ZNF827: variants seen among roughly 807,000 people sequenced by gnomAD.
The protein encoded by ZNF827 is zinc finger protein 827.
ZNF827 carries 13 observed loss-of-function variants against 102.4 expected under a neutral mutation model. That is an observed-to-expected ratio of 0.13 (90% CI 0.08 to 0.20). The LOEUF (loss-of-function observed/expected upper bound fraction) is 0.20. Ranked by LOEUF, ZNF827 falls within the 10% of genes least tolerant of loss-of-function variation. The pLI is 1.00. For synonymous variants in ZNF827, 523 were observed against 536.2 expected (o/e 0.98, Z 0.34); for missense variants, 1,103 against 1,344.4 (o/e 0.82, Z 2.81).
chr4:145,884,611 C>A (rs1228968807), intron 4 of ZNF827, among the ~76,000 whole-genome samples: 1 of 152,070 alleles, frequency 6.6e-6, no homozygotes, highest in South Asian at 2.1e-4. Flanking sequence ...AGTAGCTGCA[C>A]AATCCTGCAA....
At chr4:145,791,999 C>T (rs1342732274) in intron 8 of ZNF827, among the ~76,000 whole-genome samples, 2 of 152,202 alleles carry the variant, frequency 1.3e-5, no homozygotes, top group Non-Finnish European at 2.9e-5. Context: ...TGGGATGTGT[C>T]ATTCCTCTTT....
In ZNF827 at chr4:145,765,437, C is replaced by A; in HGVS notation, c.3052+110G>T. ...TTAGGTGAGGCCCAGCATACTGCATCCTGGGCCTATTATCAGTTTTTGACA... is the reference window on the plus strand; with the variant it reads ...TTAGGTGAGGCCCAGCATACTGCATACTGGGCCTATTATCAGTTTTTGACA... On this transcript the variant is annotated intron_variant, in intron 12 of 14. Transcript: ENST00000508784. The surrounding 1 kb of genome is among the most constrained non-coding windows in gnomAD (Gnocchi z 4.7). 1 of 1,306,140 alleles carries A rather than the reference C, an allele frequency of 7.7e-7. No homozygotes were observed. 80.9% of individuals were successfully genotyped at this position (1,306,140 alleles called of 1,614,324 possible).
chr4:145,780,074 C>T (rs7676194), intron 8 of ZNF827, among the ~76,000 whole-genome samples: 4,449 of 152,196 alleles, frequency 0.029, 208 homozygotes, highest in African/African-American at 0.1. Context: ...GCCTGTAATC[C>T]CAGCTACTTC....
chr4:145,787,480 A>G (rs1003840544), intron 8 of ZNF827, among the ~76,000 whole-genome samples: 6 of 151,948 alleles, frequency 3.9e-5, no homozygotes, highest in African/African-American at 7.3e-5. Context: ...AAAAAAAAAA[A>G]AAAAGAAATA....
At chr4:145,869,449 T>C (rs958186432) in intron 5 of ZNF827, among the ~76,000 whole-genome samples, 2 of 152,238 alleles carry the variant, frequency 1.3e-5, no homozygotes, top group African/African-American at 2.4e-5. Context: ...TTTCTAAAAA[T>C]TCTGCTTAAG....
chr4:145,820,233 A>G (rs1743013424), intron 8 of ZNF827: 1 of 152,620 alleles, frequency 6.6e-6, no homozygotes, highest in Non-Finnish European at 1.5e-5. Flanking sequence ...TCTTCTTCCT[A>G]TTGGTAGAAG....
At chr4:145,861,003 C>A (rs907233033) in intron 5 of ZNF827, among the ~76,000 whole-genome samples, 2 of 152,204 alleles carry the variant, frequency 1.3e-5, no homozygotes, top group South Asian at 4.1e-4. Flanking sequence ...GTAGCCCCTG[C>A]CCCACCACGC....
chr4:145,796,537 T>C (rs534909826), intron 8 of ZNF827, among the ~76,000 whole-genome samples: 5 of 152,078 alleles, frequency 3.3e-5, no homozygotes, highest in African/African-American at 1.2e-4. Context: ...GGAAACACGG[T>C]GACAGCAATA....
intron 2 of ZNF827, among the ~76,000 whole-genome samples, chr4:145,894,638 A>G (rs1750842583): frequency 6.6e-6 from 1 of 152,308 alleles, no homozygotes; most frequent in East Asian, 1.9e-4. Flanking sequence ...AAAAGAATCA[A>G]GTCTGGAAAT....
intron 7 of ZNF827, among the ~76,000 whole-genome samples, chr4:145,843,747 G>A (rs1745647544): frequency 6.6e-6 from 1 of 152,218 alleles, no homozygotes; most frequent in African/African-American, 2.4e-5. Context: ...AACTATAAGT[G>A]AGAACCGCTG....
chr4:145,859,469 C>T (rs1039560105), intron 5 of ZNF827, among the ~76,000 whole-genome samples: 7 of 152,106 alleles, frequency 4.6e-5, no homozygotes, highest in African/African-American at 1.7e-4. Context: ...TAGTCCCATG[C>T]CTGTGGGAGT....
At chr4:145,801,029 G>T (rs1309429509) in intron 8 of ZNF827, among the ~76,000 whole-genome samples, 1 of 152,168 alleles carries the variant, frequency 6.6e-6, no homozygotes, top group East Asian at 1.9e-4. Context: ...AAATTAAGAA[G>T]TTCACTGAGC....
chr4:145,886,720 A>C (rs530710807), intron 3 of ZNF827, among the ~76,000 whole-genome samples: 8 of 150,688 alleles, frequency 5.3e-5, no homozygotes, highest in African/African-American at 1.7e-4. Context: ...GGATTGAGCG[A>C]AATTACATAC....
intron 5 of ZNF827, among the ~76,000 whole-genome samples, chr4:145,858,833 T>C (rs1747432507): frequency 6.6e-6 from 1 of 152,158 alleles, no homozygotes; most frequent in African/African-American, 2.4e-5. Context: ...AGTTTTATTT[T>C]AATAACTGAG....
At chr4:145,800,654 G>A (rs569760980) in intron 8 of ZNF827, among the ~76,000 whole-genome samples, 12 of 152,240 alleles carry the variant, frequency 7.9e-5, no homozygotes, top group South Asian at 2.1e-4. Context: ...GTTTCTCAAC[G>A]TCAGCACTAC....
At chr4:145,913,555 A>C (rs868241005) in intron 1 of ZNF827, among the ~76,000 whole-genome samples, 4 of 152,170 alleles carry the variant, frequency 2.6e-5, no homozygotes, top group African/African-American at 7.2e-5. Flanking sequence ...ATTAATAACA[A>C]AATTTTTCTT....
At chr4:145,871,820 T>C (rs949541581) in intron 4 of ZNF827, among the ~76,000 whole-genome samples, 1 of 152,160 alleles carries the variant, frequency 6.6e-6, no homozygotes, top group African/African-American at 2.4e-5. Context: ...CAGACCAGCA[T>C]ATTTGGAAAC....
intron 5 of ZNF827, among the ~76,000 whole-genome samples, chr4:145,854,012 G>C (rs1043087699): frequency 6.6e-6 from 1 of 151,920 alleles, no homozygotes; most frequent in Non-Finnish European, 1.5e-5. Context: ...AGAAATTATG[G>C]ATGAAATTTA....
At chr4:145,837,844 T>G (rs1745010611) in intron 7 of ZNF827, among the ~76,000 whole-genome samples, 2 of 152,234 alleles carry the variant, frequency 1.3e-5, no homozygotes, top group South Asian at 4.1e-4. Context: ...AAATGTTTCT[T>G]CTAACATCCC....
Sources: gnomAD v4.1 joint callset for allele counts (sites outside exome capture counted in the v4.1 genomes callset) on GRCh38, gnomAD v4.1.1 for gene constraint, Gnocchi (gnomAD v3.1) non-coding constraint, MANE v1.5 for transcripts, NCBI Gene and HGNC (gene_info 2026-07-23, HGNC 2026-07-21) for gene names.